The following SCN11A variants were observed in gnomAD, a reference collection of about 807,000 sequenced individuals.
SCN11A encodes the protein sodium voltage-gated channel alpha subunit 11.
A neutral mutation model predicts 162.2 loss-of-function variants in SCN11A; 122 were observed. The observed-to-expected ratio is 0.75, with a 90% CI of 0.65 to 0.87. SCN11A has a LOEUF of 0.87. SCN11A is among the 40% of genes least tolerant of loss of function. The probability of loss-of-function intolerance (pLI) is 0.00; values close to 1 mark genes in which losing one functional copy is unlikely to be tolerated. For missense variants in SCN11A, 2,015 were observed against 2,181.6 expected (o/e 0.92, Z 1.52); for synonymous variants, 758 against 751.5 (o/e 1.01, Z -0.14).
chr3:38,899,747 C>G, intron 17 of SCN11A, 147 bp downstream of exon 17: 1 of 629,880 alleles, frequency 1.6e-6, no homozygotes, highest in Non-Finnish European at 2.7e-6. Context: ...CTATTAAAGA[C>G]CTGTGCAGGA....
intron 2 of SCN11A, among the ~76,000 whole-genome samples, chr3:38,984,474 G>T (rs962557385): frequency 2.6e-5 from 4 of 151,918 alleles, no homozygotes; most frequent in Non-Finnish European, 5.9e-5. Context: ...ATATTGAATT[G>T]TCAAGGAAAG....
At chr3:39,026,388 G>GAATT (rs1190818308) in intron 2 of SCN11A, among the ~76,000 whole-genome samples, 1 of 152,142 alleles carries the variant, frequency 6.6e-6, no homozygotes, top group African/African-American at 2.4e-5. Flanking sequence ...TGCTCACCAC[G>GAATT]AATTATCTGA....
chr3:38,995,996 GAGACACC>G (rs1164827093), intron 2 of SCN11A, among the ~76,000 whole-genome samples: 3 of 152,120 alleles, frequency 2.0e-5, no homozygotes, highest in Non-Finnish European at 2.9e-5. Flanking sequence ...AAAAGATGAA[GAGACACC>G]AGAGCATGAG....
At chr3:38,973,479 A>G (rs2066829926) in intron 2 of SCN11A, among the ~76,000 whole-genome samples, 5 of 152,138 alleles carry the variant, frequency 3.3e-5, no homozygotes, top group Admixed American at 3.3e-4. Context: ...GTAATATGAG[A>G]TAATGGTTTT....
Position 39,015,636 on chromosome 3 carries a change from T to C in SCN11A, c.-280+16744A>G, listed in dbSNP as rs80029167. 1.0e-3 allele frequency among the ~76,000 whole-genome samples: 158 copies of C among 152,322 alleles called. 2 individuals carry two copies. The East Asian group carries it at 0.029, about 28-fold the overall frequency. On this transcript the variant is annotated intron_variant, in intron 2 of 29. Coordinates refer to ENST00000302328, the MANE Select transcript of SCN11A (RefSeq NM_001349253.2). ...CATATATATGCAAAATTTTTTCCAG[T>C]GGCTTAAACAAATAGATGTTTATTT...
intron 7 of SCN11A, 141 bp from the exon 8 acceptor site, chr3:38,927,072 C>A: frequency 1.3e-6 from 1 of 743,422 alleles, no homozygotes; most frequent in East Asian, 2.7e-5. Context: ...AACCAGAGTT[C>A]AAAAATGCAA....
intron 2 of SCN11A, among the ~76,000 whole-genome samples, chr3:38,988,494 T>G (rs535211173): frequency 6.6e-6 from 1 of 152,224 alleles, no homozygotes; most frequent in East Asian, 1.9e-4. Flanking sequence ...TCTTTCTGTC[T>G]CAGGTAGTCC....
At chr3:38,913,187 A>T (rs2065910088) in intron 11 of SCN11A, among the ~76,000 whole-genome samples, 1 of 152,154 alleles carries the variant, frequency 6.6e-6, no homozygotes, top group Non-Finnish European at 1.5e-5. Flanking sequence ...GACTGGTGTG[A>T]AATAGTACCT....
At chr3:38,920,951 G>T in intron 10 of SCN11A, 125 bp downstream of exon 10, 1 of 866,096 alleles carries the variant, frequency 1.2e-6, no homozygotes, top group Non-Finnish European at 1.9e-6. Flanking sequence ...GAGCACCCTG[G>T]ATGGATGAAG....
In SCN11A at chr3:38,863,544, C is replaced by A. The variant is rs1414622409; in HGVS notation, c.3952-245G>T. Among the ~76,000 whole-genome samples the A allele has an allele frequency of 2.0e-5, 3 of 152,090 alleles. No homozygotes were observed. The East Asian group carries it at 5.8e-4, about 29-fold the overall frequency. On this transcript the variant is annotated intron_variant, in intron 27 of 29. Transcript: ENST00000302328. ...TTCACTTTTTAGAACAGAAAGGTTA[C>A]AAATCTTCGCAAATATACACAGAAT...
chr3:38,978,475 G>A (rs931311072), intron 2 of SCN11A, among the ~76,000 whole-genome samples: 6 of 151,908 alleles, frequency 3.9e-5, no homozygotes, highest in South Asian at 2.1e-4. Context: ...GTGAAACCTC[G>A]TTTCTACTAA....
chr3:38,868,190 A>G (rs1163002853), intron 26 of SCN11A, among the ~76,000 whole-genome samples: 1 of 152,204 alleles, frequency 6.6e-6, no homozygotes, highest in Admixed American at 6.5e-5. Context: ...TTTTCCCTCT[A>G]TCACATCAAA....
intron 2 of SCN11A, among the ~76,000 whole-genome samples, chr3:39,002,850 G>C (rs1006034668): frequency 6.6e-6 from 1 of 152,172 alleles, no homozygotes; most frequent in Non-Finnish European, 1.5e-5. Context: ...AAGGATAGGA[G>C]ACCCATGGAG....
intron 21 of SCN11A, among the ~76,000 whole-genome samples, chr3:38,884,521 T>C (rs1488019305): frequency 6.6e-6 from 1 of 152,250 alleles, no homozygotes; most frequent in Non-Finnish European, 1.5e-5. Context: ...TCAACATTTG[T>C]TGAACCCATT....
intron 23 of SCN11A, among the ~76,000 whole-genome samples, chr3:38,873,665 T>C (rs2065163770): frequency 6.6e-6 from 1 of 152,170 alleles, no homozygotes; most frequent in Non-Finnish European, 1.5e-5. Context: ...ACAGAGACCT[T>C]ATACACCTCT....
intron 4 of SCN11A, among the ~76,000 whole-genome samples, chr3:38,951,718 G>A (rs930747613): frequency 5.3e-5 from 8 of 152,026 alleles, no homozygotes; most frequent in Non-Finnish European, 8.8e-5. Context: ...TGCACCAATC[G>A]ACACTCTGTA....
In SCN11A at chr3:38,896,949, C is replaced by T. The variant is rs9816941; in HGVS notation, c.2299G>A (p.Gly767Arg). 27 of 1,614,064 alleles carry T rather than the reference C, an allele frequency of 1.7e-5. No homozygotes were observed. In the East Asian group the frequency reaches 1.8e-4, roughly 11 times the overall value. The change falls in exon 18 of 30, where the codon GGG becomes AGG. Residue 767 changes from glycine to arginine, a missense_variant. Physicochemically the swap from Gly to Arg is moderately radical, Grantham distance 125. Coordinates refer to ENST00000302328, the MANE Select transcript of SCN11A (RefSeq NM_001349253.2). ...SFLVVFRILC[G>R]EWIENMWECM... Reference sequence around the variant, plus strand: ...TCCCACATATTTTCGATCCATTCCCCGCAGAGGATGCGGAATACCACTAGG... The same window carrying T: ...TCCCACATATTTTCGATCCATTCCCTGCAGAGGATGCGGAATACCACTAGG...
chr3:38,897,099 CT>C lies in SCN11A; in HGVS notation c.2148del (p.Val717Ter). 1 of 1,614,108 alleles carries C rather than the reference CT, an allele frequency of 6.2e-7. No homozygotes were observed. The highest frequency in any genetic ancestry group is 8.5e-7 in the Non-Finnish European group (1 of 1,180,010). On this transcript the variant is annotated frameshift_variant, in exon 18 of 30. Coordinates refer to ENST00000302328, the MANE Select transcript of SCN11A (RefSeq NM_001349253.2). LOFTEE classifies it high-confidence loss of function. ...VVLVIVIFIFSVVGMQLFGRS... is the reference protein window; with the variant it reads ...VVLVIVIFIFXVVGMQLFGRS... ...CGGCCAAAAAGCTGCATGCCAACTA[CT>C]GAGAAAATAAAGATCACAATGACCA...
chr3:38,883,480 G>T, intron 21 of SCN11A, 93 bp from the exon 22 acceptor site: 1 of 1,208,758 alleles, frequency 8.3e-7, no homozygotes, highest in Non-Finnish European at 1.2e-6. Context: ...CATGCCCCTT[G>T]CCATGCGACC....
Sources: allele counts gnomAD v4.1 joint callset (sites outside exome capture counted in the v4.1 genomes callset), GRCh38; gene constraint gnomAD v4.1.1; transcripts MANE v1.5; gene names NCBI Gene and HGNC (gene_info 2026-07-23, HGNC 2026-07-21).